The following ACVR1C variants were observed in gnomAD, a reference collection of about 807,000 sequenced individuals.
The protein encoded by ACVR1C is activin receptor type-1C.
Under a neutral mutation model 57.9 loss-of-function variants are expected in ACVR1C, and 23 were observed. That is an observed-to-expected ratio of 0.40 (90% confidence interval 0.29 to 0.56). The LOEUF (loss-of-function observed/expected upper bound fraction) is 0.56. Among genes scored for constraint, ACVR1C ranks in the 20% least tolerant of loss-of-function variants. The pLI, the probability that ACVR1C is intolerant of heterozygous loss-of-function variation, is 0.50. For synonymous variants in ACVR1C, 214 were observed against 215.3 expected (o/e 0.99, Z 0.05); for missense variants, 480 against 607.9 (o/e 0.79, Z 2.21).
intron 4 of ACVR1C, among the ~76,000 whole-genome samples, chr2:157,549,718 G>GCT (rs1313708581): frequency 3.3e-5 from 5 of 151,564 alleles, no homozygotes; most frequent in African/African-American, 1.2e-4. Flanking sequence ...GGGTGCGGTG[G>GCT]CTCACGCCTG....
intron 1 of ACVR1C, chr2:157,597,629 G>A (rs1413635400): frequency 2.1e-6 from 2 of 947,884 alleles, no homozygotes; most frequent in Non-Finnish European, 2.5e-6. Context: ...AGAAGCAGGA[G>A]GCAGGCTATT....
At chr2:157,599,829 G>A (rs1015861570) in intron 1 of ACVR1C, among the ~76,000 whole-genome samples, 5 of 152,286 alleles carry the variant, frequency 3.3e-5, no homozygotes, top group Non-Finnish European at 7.3e-5. Context: ...AGCATGGAGA[G>A]GTGAACCTGT....
chr2:157,618,848 AATAATCC>A (rs1319293018), intron 1 of ACVR1C, among the ~76,000 whole-genome samples: 2 of 151,780 alleles, frequency 1.3e-5, no homozygotes, highest in African/African-American at 2.4e-5. Context: ...AAGAGGACAT[AATAATCC>A]TAATTGTGTA....
At chr2:157,579,804 A>G (rs184075826) in intron 2 of ACVR1C, among the ~76,000 whole-genome samples, 3 of 152,308 alleles carry the variant, frequency 2.0e-5, no homozygotes, top group Admixed American at 1.3e-4. Context: ...TTTCCTTATT[A>G]AGATATTATT....
chr2:157,600,240 TC>T lies in ACVR1C; in HGVS notation c.74-12824del, dbSNP rs200986846. The stretch of plus-strand genomic sequence containing the variant: ...GTCACTGAAATCTAGTTTTGTGTTT[TC>T]AGTCTCTATTAAAGTAGAGAAGATA... On this transcript the variant is annotated intron_variant, in intron 1 of 8. Coordinates refer to ENST00000243349, the MANE Select transcript of ACVR1C (RefSeq NM_145259.3). 8.5e-4 allele frequency among the ~76,000 whole-genome samples: 130 copies of T among 152,352 alleles called. 1 individual carries two copies. The East Asian group carries it at 0.022, about 26-fold the overall frequency.
chr2:157,561,160 C>T (rs1410559350), intron 2 of ACVR1C, among the ~76,000 whole-genome samples: 1 of 152,202 alleles, frequency 6.6e-6, no homozygotes, highest in African/African-American at 2.4e-5. Flanking sequence ...CCAAAAGTCA[C>T]TGTCATTTTG....
chr2:157,624,033 A>G (rs1682843059), intron 1 of ACVR1C, among the ~76,000 whole-genome samples: 1 of 152,204 alleles, frequency 6.6e-6, no homozygotes, highest in Non-Finnish European at 1.5e-5. Flanking sequence ...TTATTAAAAT[A>G]AACTCTTTAT....
intron 1 of ACVR1C, among the ~76,000 whole-genome samples, chr2:157,619,957 A>G (rs972923263): frequency 2.0e-5 from 3 of 152,042 alleles, no homozygotes. Context: ...AATGTGGCAA[A>G]AAAAAACTTC....
At chr2:157,612,664 A>G (rs1350032609) in intron 1 of ACVR1C, among the ~76,000 whole-genome samples, 1 of 152,176 alleles carries the variant, frequency 6.6e-6, no homozygotes, top group Non-Finnish European at 1.5e-5. Flanking sequence ...TGGAAAGTAT[A>G]CACTCTGGTT....
chr2:157,588,880 C>CGT (rs544108935), intron 1 of ACVR1C, among the ~76,000 whole-genome samples: 6 of 55,002 alleles, frequency 1.1e-4, no homozygotes, highest in East Asian at 5.2e-4. Context: ...TATATATATA[C>CGT]GTGTGTGTGT....
chr2:157,605,519 T>C (rs1235035990), intron 1 of ACVR1C, among the ~76,000 whole-genome samples: 5 of 151,764 alleles, frequency 3.3e-5, no homozygotes, highest in Admixed American at 2.6e-4. Flanking sequence ...TCTGTGAATA[T>C]AGTACAATAC....
intron 2 of ACVR1C, among the ~76,000 whole-genome samples, chr2:157,557,843 T>A (rs1248398909): frequency 6.6e-6 from 1 of 152,172 alleles, no homozygotes; most frequent in Non-Finnish European, 1.5e-5. Context: ...AAATCTTTTT[T>A]TAATTTAGAA....
At chr2:157,559,011 A>G (rs1342180994) in intron 2 of ACVR1C, among the ~76,000 whole-genome samples, 1 of 152,216 alleles carries the variant, frequency 6.6e-6, no homozygotes, top group Non-Finnish European at 1.5e-5. Context: ...TTTTATTTTG[A>G]TACGTGTTAT....
intron 4 of ACVR1C, 66 bp from the exon 5 acceptor site, chr2:157,544,678 A>G: frequency 7.2e-7 from 1 of 1,380,340 alleles, no homozygotes; most frequent in Non-Finnish European, 1.0e-6. Flanking sequence ...AGCTTTTAAA[A>G]ATATCAGTGT....
chr2:157,627,927 G>C (rs1280119839), intron 1 of ACVR1C, among the ~76,000 whole-genome samples: 1 of 152,186 alleles, frequency 6.6e-6, no homozygotes, highest in Non-Finnish European at 1.5e-5. Flanking sequence ...TCAAGGCACA[G>C]ACCTGTTATA....
At chr2:157,549,847 A>C (rs1296044147) in intron 4 of ACVR1C, among the ~76,000 whole-genome samples, 1 of 149,584 alleles carries the variant, frequency 6.7e-6, no homozygotes, top group East Asian at 1.9e-4. Context: ...AAAAAAAAAA[A>C]AAAAAATTAG....
chr2:157,527,701 T>A lies in ACVR1C; in HGVS notation c.*6217A>T, dbSNP rs1273054579. 6.6e-6 allele frequency: 1 copy of A among 152,188 alleles called. No individual in the cohort carries two copies. Among genetic ancestry groups the A allele is most frequent in the Non-Finnish European group, 1.5e-5 (1 of 68,022 alleles). 9.4% of individuals were successfully genotyped at this position (152,188 alleles called of 1,614,324 possible). On this transcript the variant is annotated 3_prime_UTR_variant, in exon 9 of 9. Coordinates refer to ENST00000243349, the MANE Select transcript of ACVR1C (RefSeq NM_145259.3). ...ATTTAATATTTTGGCTCAGATACTC[T>A]CATTTTGTATAAAGAGAAAAAAAGG...
intron 1 of ACVR1C, among the ~76,000 whole-genome samples, chr2:157,627,258 G>A (rs1243938336): frequency 6.6e-6 from 1 of 152,110 alleles, no homozygotes; most frequent in Non-Finnish European, 1.5e-5. Context: ...AGTATCCCAA[G>A]TTAGCAGAGT....
rs1688945899 is a variant in ACVR1C, at chr2:157,587,210, T to G, written c.281A>C (p.Asn94Thr). 1 of 1,613,178 alleles carries G rather than the reference T, an allele frequency of 6.2e-7. No individual in the cohort carries two copies. ...ACCTGTTGGAAGGTGCAGTGTTATG[T>G]TGTTGCAAAAATCTGTGAAGCAGCA... ...TECCFTDFCN[N>T]ITLHLPTASP... Residue 94 changes from asparagine (N) to threonine (T), a missense_variant, in exon 2 of 9, where the codon AAC becomes ACC. Physicochemically the swap from Asn to Thr is moderately conservative, Grantham distance 65 (BLOSUM62 0). Coordinates refer to ENST00000243349, the MANE Select transcript of ACVR1C (RefSeq NM_145259.3).
Sources: allele counts gnomAD v4.1 joint callset (sites outside exome capture counted in the v4.1 genomes callset), GRCh38; gene constraint gnomAD v4.1.1; transcripts MANE v1.5; gene names NCBI Gene and HGNC (gene_info 2026-07-23, HGNC 2026-07-21).